VTCN1: variants seen among roughly 807,000 people sequenced by gnomAD.
VTCN1 encodes the protein V-set domain-containing T-cell activation inhibitor 1.
In VTCN1, 26 loss-of-function variants were observed where a neutral mutation model predicts 26.5. The observed-to-expected ratio is 0.98, with a 90% CI of 0.72 to 1.36. The LOEUF is 1.36. Ranked by LOEUF, VTCN1 falls within the 40% of genes most tolerant of loss-of-function variation. The pLI is 0.00. For synonymous variants in VTCN1, 116 were observed against 130.7 expected (o/e 0.89, Z 0.77); for missense variants, 298 against 337.7 (o/e 0.88, Z 0.92).
At chr1:117,195,134 C>T (rs929824965) in intron 1 of VTCN1, among the ~76,000 whole-genome samples, 1 of 151,538 alleles carries the variant, frequency 6.6e-6, no homozygotes, top group East Asian at 1.9e-4. Context: ...TGATGGAGGG[C>T]GCCTGTAGTA....
chr1:117,171,970 G>C (rs1652938900), intron 1 of VTCN1, among the ~76,000 whole-genome samples: 1 of 152,168 alleles, frequency 6.6e-6, no homozygotes, highest in Admixed American at 6.5e-5. Context: ...GCTCGTGAGA[G>C]TGACTCAGGC....
At chr1:117,176,166 T>C (rs1032006932) in intron 1 of VTCN1, among the ~76,000 whole-genome samples, 5 of 152,204 alleles carry the variant, frequency 3.3e-5, no homozygotes, top group Non-Finnish European at 5.9e-5. Context: ...CCTCATTATA[T>C]TGTTTCTCAT....
chr1:117,192,482 C>T (rs1648293565), intron 1 of VTCN1, among the ~76,000 whole-genome samples: 1 of 152,074 alleles, frequency 6.6e-6, no homozygotes, highest in Non-Finnish European at 1.5e-5. Flanking sequence ...AGTAAATATA[C>T]AGTCAAATTG....
intron 4 of VTCN1, among the ~76,000 whole-genome samples, chr1:117,149,969 ATC>A (rs1275737873): frequency 8.5e-5 from 13 of 152,216 alleles, no homozygotes; most frequent in Non-Finnish European, 1.6e-4. Context: ...AAGAAGACAG[ATC>A]TGTTAATTGA....
chr1:117,164,256 G>C (rs987658789), intron 2 of VTCN1, among the ~76,000 whole-genome samples: 1 of 152,102 alleles, frequency 6.6e-6, no homozygotes, highest in Non-Finnish European at 1.5e-5. Flanking sequence ...CTGCCACCCA[G>C]GAGTGCCCTG....
At position 117,195,137 on chromosome 1, in the gene VTCN1, C is replaced by CT. The variant is rs202110683; in HGVS notation, c.32+15686dup. On this transcript the variant is annotated intron_variant, in intron 1 of 5. Coordinates refer to ENST00000369458, the MANE Select transcript of VTCN1 (RefSeq NM_024626.4). ...ATCAGCCAGGCATGATGGAGGGCGC[C>CT]TGTAGTACCAGCTACTAGGGAGGCT... is the stretch of plus-strand genomic sequence containing the variant. Among the ~76,000 whole-genome samples the CT allele has an allele frequency of 7.9e-3, 1,194 of 152,020 alleles. 17 individuals carry two copies. Among genetic ancestry groups the CT allele is most frequent in the African/African-American group, 0.027 (1,134 of 41,430 alleles).
At chr1:117,170,785 T>C (rs1652868952) in intron 1 of VTCN1, among the ~76,000 whole-genome samples, 1 of 152,228 alleles carries the variant, frequency 6.6e-6, no homozygotes, top group African/African-American at 2.4e-5. Context: ...ATAAATCACC[T>C]GTAATCCCAT....
intron 1 of VTCN1, among the ~76,000 whole-genome samples, chr1:117,178,846 C>G (rs898581727): frequency 4.6e-5 from 7 of 152,022 alleles, no homozygotes; most frequent in Non-Finnish European, 8.8e-5. Context: ...CCACCTTGGC[C>G]TCTAGAGTAT....
In VTCN1 at chr1:117,147,802, GTTT is replaced by G; in HGVS notation, c.725-23_725-21del. ...CCGATTCTGTGAAGTGAGAGAAAAAGTTTAGGGTCATACAGGAGAAGCTGGATG... is the reference window on the plus strand; with the variant it reads ...CCGATTCTGTGAAGTGAGAGAAAAAGAGGGTCATACAGGAGAAGCTGGATG... On this transcript the variant is annotated intron_variant, in intron 4 of 5. Coordinates refer to ENST00000369458, the MANE Select transcript of VTCN1 (RefSeq NM_024626.4). This position sits in a 1 kb window ranked among gnomAD's most constrained non-coding sequence, Gnocchi z 4.6. 1 of 1,611,714 alleles carries G rather than the reference GTTT, an allele frequency of 6.2e-7. No individual in the cohort carries two copies. The highest frequency in any genetic ancestry group is 1.1e-5 in the South Asian group (1 of 90,630).
At chr1:117,181,366 G>A (rs1051046880) in intron 1 of VTCN1, among the ~76,000 whole-genome samples, 1 of 152,144 alleles carries the variant, frequency 6.6e-6, no homozygotes, top group Admixed American at 6.5e-5. Flanking sequence ...TCATGGAAAA[G>A]AAAAAGGAAA....
rs907290171 is a variant in VTCN1, at chr1:117,175,279, G to C, written c.33-5108C>G. 6.6e-6 allele frequency among the ~76,000 whole-genome samples: 1 copy of C among 152,202 alleles called. No homozygotes were observed. The highest frequency in any genetic ancestry group is 1.5e-5 in the Non-Finnish European group (1 of 68,034). On this transcript the variant is annotated intron_variant, in intron 1 of 5. Transcript: ENST00000369458. The surrounding 1 kb of genome is among the most constrained non-coding windows in gnomAD (Gnocchi z 4.2). ...ACAGAAACAATAACTAGTACCTCGG[G>C]AGATAACTTAGACAGACAAGGCAGG...
intron 1 of VTCN1, among the ~76,000 whole-genome samples, chr1:117,180,990 G>C (rs1171034625): frequency 8.5e-5 from 13 of 152,170 alleles, no homozygotes; most frequent in Admixed American, 8.5e-4. Context: ...TGAACAGTTG[G>C]GCAACACTGC....
chr1:117,186,219 CG>C (rs1407974579), intron 1 of VTCN1, among the ~76,000 whole-genome samples: 1 of 152,106 alleles, frequency 6.6e-6, no homozygotes, highest in Non-Finnish European at 1.5e-5. Context: ...CATAGCTATT[CG>C]AATTTCTGGA....
intron 1 of VTCN1, among the ~76,000 whole-genome samples, chr1:117,173,620 A>G (rs1653046967): frequency 6.6e-6 from 1 of 152,254 alleles, no homozygotes; most frequent in African/African-American, 2.4e-5. Flanking sequence ...CAGCACTAGC[A>G]AACTAATACA....
chr1:117,198,993 G>A (rs1188940812), intron 1 of VTCN1, among the ~76,000 whole-genome samples: 1 of 152,160 alleles, frequency 6.6e-6, no homozygotes, highest in African/African-American at 2.4e-5. Context: ...CTGCCCTTTG[G>A]TTCCTGGGCA....
intron 2 of VTCN1, among the ~76,000 whole-genome samples, chr1:117,164,133 A>G (rs546557236): frequency 1.1e-4 from 16 of 152,262 alleles, no homozygotes; most frequent in African/African-American, 3.9e-4. Flanking sequence ...AGTATCTGAG[A>G]ACACACCAAG....
In VTCN1 at chr1:117,156,556, T is replaced by G; in HGVS notation, c.445+18A>C. 6.5e-7 allele frequency: 1 copy of G among 1,534,648 alleles called. No homozygotes were observed. The highest frequency in any genetic ancestry group is 1.3e-5 in the South Asian group (1 of 78,286). ...TACTTTTGGTGCTTTAAAAAATCTCTCTCCAAAAGTAACTCACCTCCAGTT... is the reference window on the plus strand; with the variant it reads ...TACTTTTGGTGCTTTAAAAAATCTCGCTCCAAAAGTAACTCACCTCCAGTT... On this transcript the variant is annotated intron_variant, in intron 3 of 5. Coordinates refer to ENST00000369458, the MANE Select transcript of VTCN1 (RefSeq NM_024626.4).
In VTCN1 at chr1:117,161,075, G is replaced by A. The variant is rs1004985230; in HGVS notation, c.98-4154C>T. ...CTGCCATGCATGGCCATTCCTGTGG[G>A]AGATCTGGGAGACGAATTATGAAAG... On this transcript the variant is annotated intron_variant, in intron 2 of 5. Transcript: ENST00000369458. The surrounding 1 kb of genome is among the most constrained non-coding windows in gnomAD (Gnocchi z 4.3). 6.6e-6 allele frequency among the ~76,000 whole-genome samples: 1 copy of A among 152,204 alleles called. No individual in the cohort carries two copies. Among genetic ancestry groups the A allele is most frequent in the African/African-American group, 2.4e-5 (1 of 41,452 alleles).
chr1:117,162,015 T>C (rs1652391192), intron 2 of VTCN1, among the ~76,000 whole-genome samples: 1 of 152,196 alleles, frequency 6.6e-6, no homozygotes, highest in South Asian at 2.1e-4. Context: ...AGGGAATCCG[T>C]TGAAATATCT....
Sources: gnomAD v4.1 joint callset for allele counts (sites outside exome capture counted in the v4.1 genomes callset) on GRCh38, gnomAD v4.1.1 for gene constraint, Gnocchi (gnomAD v3.1) non-coding constraint, MANE v1.5 for transcripts, NCBI Gene and HGNC (gene_info 2026-07-23, HGNC 2026-07-21) for gene names.